Variants in DGKD observed in about 807,000 individuals in gnomAD.
DGKD encodes the protein DAG kinase delta.
In DGKD, 68 loss-of-function variants were observed where a neutral mutation model predicts 154.4. The observed-to-expected ratio is 0.44, with a 90% CI of 0.36 to 0.54. The LOEUF is 0.54. Ranked by LOEUF, DGKD falls within the 20% of genes least tolerant of loss-of-function variation. The pLI, the probability that DGKD is intolerant of heterozygous loss-of-function variation, is 0.00. For synonymous variants in DGKD, 693 were observed against 638.0 expected (o/e 1.09, Z -1.30); for missense variants, 1,343 against 1,593.6 (o/e 0.84, Z 2.68).
At chr2:233,398,017 C>G (rs1451220035) in intron 3 of DGKD, among the ~76,000 whole-genome samples, 1 of 151,982 alleles carries the variant, frequency 6.6e-6, no homozygotes, top group East Asian at 1.9e-4. Context: ...TTTCCTAGTT[C>G]TAGTTATCAA....
intron 3 of DGKD, among the ~76,000 whole-genome samples, chr2:233,421,833 TC>T (rs904161555): frequency 1.7e-4 from 26 of 152,258 alleles, no homozygotes; most frequent in African/African-American, 5.8e-4. Context: ...AAATGTAACT[TC>T]CGCAGGAGCA....
chr2:233,382,105 G>A (rs112047749), intron 1 of DGKD, among the ~76,000 whole-genome samples: 16,713 of 152,028 alleles, frequency 0.11, 1,064 homozygotes, highest in African/African-American at 0.16. Context: ...CATGTAGTGC[G>A]CGCCTGTAAT....
In DGKD at chr2:233,390,318, T is replaced by C. The variant is rs147926388; in HGVS notation, c.268-85T>C. On this transcript the variant is annotated intron_variant, in intron 2 of 29. Coordinates refer to ENST00000264057, the MANE Select transcript of DGKD (RefSeq NM_152879.3). ...TTCTGTGGGTGCTTGTTAGGGATCA[T>C]TGGGGTGTGGTGGGCAGCGCTGGCT... 28 of 929,464 alleles carry C rather than the reference T, an allele frequency of 3.0e-5. No homozygotes were observed. In the East Asian group the frequency reaches 5.5e-4, roughly 18 times the overall value. The allele number at this position is 929,464 out of a possible 1,614,324, so 57.6% of individuals were successfully genotyped here.
At chr2:233,426,383 T>C (rs1373714642) in intron 3 of DGKD, among the ~76,000 whole-genome samples, 8 of 151,954 alleles carry the variant, frequency 5.3e-5, no homozygotes, top group Non-Finnish European at 1.2e-4. Flanking sequence ...CATGGAGGAG[T>C]GTACTCATTA....
chr2:233,463,969 C>A, intron 26 of DGKD, 195 bp from the exon 27 acceptor site: 1 of 656,234 alleles, frequency 1.5e-6, no homozygotes, highest in Non-Finnish European at 2.5e-6. Context: ...CAGTTTTATT[C>A]TCTCACCAGC....
chr2:233,461,412 C>T (rs1285562621), intron 24 of DGKD, among the ~76,000 whole-genome samples: 1 of 152,248 alleles, frequency 6.6e-6, no homozygotes, highest in Non-Finnish European at 1.5e-5. Context: ...CGGCTCTTGT[C>T]GAGCAGGTGG....
chr2:233,425,093 T>G (rs2062248194), intron 3 of DGKD, among the ~76,000 whole-genome samples: 1 of 152,200 alleles, frequency 6.6e-6, no homozygotes, highest in Admixed American at 6.5e-5. Context: ...ATCATGTACT[T>G]GAATCAAGAA....
At chr2:233,388,011 C>T (rs1410626683) in intron 1 of DGKD, 1 of 713,960 alleles carries the variant, frequency 1.4e-6, no homozygotes, top group African/African-American at 1.8e-5. Flanking sequence ...AGGGCACACC[C>T]TGGGCCTCTT....
chr2:233,400,085 C>CTG lies in DGKD; in HGVS notation c.348+9603_348+9604dup, dbSNP rs574389623. Among the ~76,000 whole-genome samples the CTG allele has an allele frequency of 1.8e-4, 28 of 152,344 alleles. No individual in the cohort carries two copies. In the East Asian group the frequency reaches 5.4e-3, roughly 29 times the overall value. On this transcript the variant is annotated intron_variant, in intron 3 of 29. Coordinates refer to ENST00000264057, the MANE Select transcript of DGKD (RefSeq NM_152879.3). Reference sequence around the variant, plus strand: ...CCAGATGCACAGTTTCTTCTCCTCACTGAGAGTGTTTTGGTATTGCTGGCC... The same window carrying CTG: ...CCAGATGCACAGTTTCTTCTCCTCACTGTGAGAGTGTTTTGGTATTGCTGGCC...
intron 3 of DGKD, among the ~76,000 whole-genome samples, chr2:233,417,334 C>T (rs911899788): frequency 6.6e-6 from 1 of 152,120 alleles, no homozygotes; most frequent in Non-Finnish European, 1.5e-5. Context: ...CGCCTAGCCC[C>T]CCTTGTGCAT....
chr2:233,462,319 C>A, intron 24 of DGKD, 29 bp from the exon 25 acceptor site: 3 of 1,565,464 alleles, frequency 1.9e-6, no homozygotes, highest in Non-Finnish European at 2.6e-6. Context: ...TTTGGCCTGA[C>A]ATCTGCCCGT....
rs1322566459 is a variant in DGKD at position 233,458,892 on chromosome 2, C to A, written c.2694+495C>A. 6.6e-6 allele frequency among the ~76,000 whole-genome samples: 1 copy of A among 152,168 alleles called. No individual in the cohort carries two copies. The highest frequency in any genetic ancestry group is 1.5e-5 in the Non-Finnish European group (1 of 68,034). ...TACAGGTGTGAGCCACTGCACCCGG[C>A]CAAGATAACTCTTTCAAAATGTGTA... On this transcript the variant is annotated intron_variant, in intron 22 of 29. Coordinates refer to ENST00000264057, the MANE Select transcript of DGKD (RefSeq NM_152879.3). This position sits in a 1 kb window ranked among gnomAD's most constrained non-coding sequence, Gnocchi z 6.6.
intron 1 of DGKD, among the ~76,000 whole-genome samples, chr2:233,369,156 G>T (rs1003867160): frequency 7.2e-4 from 109 of 152,224 alleles, no homozygotes; most frequent in African/African-American, 2.6e-3. Flanking sequence ...TTTTTGGGGG[G>T]AGGTTCTCAT....
chr2:233,462,481 G>T lies in DGKD; in HGVS notation c.3093+22G>T, dbSNP rs747025567. 8.2e-6 allele frequency: 13 copies of T among 1,584,832 alleles called. No individual in the cohort carries two copies. In the Middle Eastern group the frequency reaches 6.7e-4, roughly 81 times the overall value. On this transcript the variant is annotated intron_variant, in intron 25 of 29. Coordinates refer to ENST00000264057, the MANE Select transcript of DGKD (RefSeq NM_152879.3). ...AGAGGTAGCTATTCTGGCCTTTTCA[G>T]TCCTGGCTTCTTCTCAGTGTCTGCC...
At chr2:233,376,343 G>T (rs549676890) in intron 1 of DGKD, among the ~76,000 whole-genome samples, 41 of 152,318 alleles carry the variant, frequency 2.7e-4, no homozygotes, top group Non-Finnish European at 5.4e-4. Flanking sequence ...AGACAGATCT[G>T]GGTCTGAAGT....
chr2:233,360,983 AGTTTTTTTT>A (rs771054327), intron 1 of DGKD, among the ~76,000 whole-genome samples: 3 of 94,578 alleles, frequency 3.2e-5, no homozygotes, highest in Non-Finnish European at 6.7e-5. Flanking sequence ...GAGACAGTCA[AGTTTTTTTT>A]TTTTTTTTTT....
intron 3 of DGKD, chr2:233,419,188 T>G (rs2062040070): frequency 1.0e-6 from 1 of 981,498 alleles, no homozygotes; most frequent in Admixed American, 6.2e-5. Flanking sequence ...GAGCTATATT[T>G]AGCAGAGTGT....
intron 1 of DGKD, among the ~76,000 whole-genome samples, chr2:233,362,901 G>A (rs1345873865): frequency 6.6e-6 from 1 of 152,064 alleles, no homozygotes; most frequent in African/African-American, 2.4e-5. Flanking sequence ...AATGTTGTAG[G>A]GCAATGAATT....
At position 233,402,124 on chromosome 2, in the gene DGKD, A is replaced by G. The variant is rs114683274; in HGVS notation, c.348+11641A>G. 3.5e-3 allele frequency among the ~76,000 whole-genome samples: 526 copies of G among 151,678 alleles called. 6 individuals carry two copies. The highest frequency in any genetic ancestry group is 0.012 in the African/African-American group (498 of 41,282). Reference sequence around the variant, plus strand: ...TGGTCTCTGGGGGTCTGTTTCCCCAAATTCTCCCCACCGACCCTGTCCGTT... The same window carrying G: ...TGGTCTCTGGGGGTCTGTTTCCCCAGATTCTCCCCACCGACCCTGTCCGTT... On this transcript the variant is annotated intron_variant, in intron 3 of 29. Coordinates refer to ENST00000264057, the MANE Select transcript of DGKD (RefSeq NM_152879.3).
Sources: gnomAD v4.1 joint callset for allele counts (sites outside exome capture counted in the v4.1 genomes callset) on GRCh38, gnomAD v4.1.1 for gene constraint, Gnocchi (gnomAD v3.1) non-coding constraint, MANE v1.5 for transcripts, NCBI Gene and HGNC (gene_info 2026-07-23, HGNC 2026-07-21) for gene names.